The following PRRC2B variants were observed in gnomAD, a reference collection of about 807,000 sequenced individuals.
The protein encoded by PRRC2B is proline rich coiled-coil 2B, also known as protein PRRC2B.
Under a neutral mutation model 242.3 loss-of-function variants are expected in PRRC2B, and 68 were observed. The observed-to-expected ratio is 0.28, with a 90% confidence interval of 0.23 to 0.34. The LOEUF (loss-of-function observed/expected upper bound fraction) is 0.34, where lower values mean the gene tolerates loss of function less well. Ranked by LOEUF, PRRC2B falls within the 10% of genes least tolerant of loss-of-function variation. The pLI is 1.00. For synonymous variants in PRRC2B, 1,228 were observed against 1,173.6 expected, an observed-to-expected ratio of 1.05 and a Z score of -0.95; for missense variants, 2,835 against 2,954.8, an observed-to-expected ratio of 0.96 and a Z score of 0.94.
At chr9:131,447,301 C>A in intron 8 of PRRC2B, 95 bp downstream of exon 8, 1 of 1,480,318 alleles carries the variant, frequency 6.8e-7, no homozygotes, top group Admixed American at 1.9e-5. Flanking sequence ...GCTGTGTCTC[C>A]TGGAGACCAC....
intron 1 of PRRC2B, among the ~76,000 whole-genome samples, chr9:131,406,085 G>A (rs895403375): frequency 1.3e-5 from 2 of 152,048 alleles, no homozygotes; most frequent in Admixed American, 6.6e-5. Context: ...CCTGGATTCA[G>A]CCCTCCCCGG....
At chr9:131,458,440 A>G (rs1206531896) in intron 10 of PRRC2B, among the ~76,000 whole-genome samples, 1 of 151,932 alleles carries the variant, frequency 6.6e-6, no homozygotes, top group Non-Finnish European at 1.5e-5. Context: ...ATACACTAAC[A>G]CTAACGATAG....
At chr9:131,461,507 T>TG (rs1238043492) in intron 11 of PRRC2B, among the ~76,000 whole-genome samples, 5 of 152,144 alleles carry the variant, frequency 3.3e-5, no homozygotes, top group Admixed American at 2.0e-4. Context: ...TGAATACACT[T>TG]GGTAAAGCCT....
intron 12 of PRRC2B, 48 bp downstream of exon 12, chr9:131,465,126 T>A: frequency 6.5e-7 from 1 of 1,533,586 alleles, no homozygotes; most frequent in Middle Eastern, 1.8e-4. Context: ...TGGCCTGTTG[T>A]CCTCGTCTTG....
chr9:131,480,827 T>G (rs959480034), intron 19 of PRRC2B, among the ~76,000 whole-genome samples: 4 of 152,012 alleles, frequency 2.6e-5, no homozygotes, highest in African/African-American at 9.7e-5. Flanking sequence ...GTCTGTGAGC[T>G]TAAAAATTTT....
At chr9:131,443,716 C>T (rs2131383404) in intron 5 of PRRC2B, among the ~76,000 whole-genome samples, 1 of 152,302 alleles carries the variant, frequency 6.6e-6, no homozygotes, top group African/African-American at 2.4e-5. Flanking sequence ...CAGGTGTGAG[C>T]CACTGTGCCA....
In PRRC2B at chr9:131,436,638, T is replaced by G. The variant is rs756256652; in HGVS notation, c.312T>G (p.Ser104=). The G allele has an allele frequency of 5.5e-5, 89 of 1,613,790 alleles. No individual in the cohort carries two copies. Among genetic ancestry groups the G allele is most frequent in the Non-Finnish European group, 7.4e-5 (87 of 1,179,838 alleles). Residue 104 remains serine, a synonymous_variant, in exon 4 of 32, where the codon TCT becomes TCG. Transcript: ENST00000683519. The part of the protein sequence containing the change: ...QDPKSSSATA[S]QPPESLPQPG... ...TGTCTAGTTCCAGTGCGACGGCCTC[T>G]CAGCCGCCGGAGTCGCTGCCGCAGC...
intron 13 of PRRC2B, 127 bp downstream of exon 13, chr9:131,467,880 A>C: frequency 1.1e-6 from 1 of 920,434 alleles, no homozygotes; most frequent in South Asian, 1.7e-5. Flanking sequence ...ATGTGCCCCC[A>C]AGACCAGTGG....
At chr9:131,400,312 T>G (rs945491235) in intron 1 of PRRC2B, among the ~76,000 whole-genome samples, 3 of 151,608 alleles carry the variant, frequency 2.0e-5, no homozygotes, top group Admixed American at 6.6e-5. Context: ...TTTGTTTTTC[T>G]TTTCTTTTCT....
At position 131,499,246 on chromosome 9, in the gene PRRC2B, A is replaced by G. The variant is rs542636082; in HGVS notation, c.*3372A>G. ...CAGTGACAGCTTCTGGAAGCTGAGCACACACAGGTGCACAGCCATGCTGTG... is the reference window on the plus strand; with the variant it reads ...CAGTGACAGCTTCTGGAAGCTGAGCGCACACAGGTGCACAGCCATGCTGTG... On this transcript the variant is annotated 3_prime_UTR_variant, in exon 32 of 32. Coordinates refer to ENST00000683519, the MANE Select transcript of PRRC2B (RefSeq NM_013318.4). The G allele has an allele frequency of 8.5e-5, 13 of 152,308 alleles. No individual in the cohort carries two copies. Among genetic ancestry groups the G allele is most frequent in the African/African-American group, 3.1e-4 (13 of 41,552 alleles). The allele number at this position is 152,308 out of a possible 1,614,324, so 9.4% of individuals were successfully genotyped here.
intron 12 of PRRC2B, among the ~76,000 whole-genome samples, chr9:131,466,731 C>G (rs1943405447): frequency 1.3e-5 from 2 of 151,970 alleles, no homozygotes; most frequent in African/African-American, 4.8e-5. Flanking sequence ...GCGATTCTCT[C>G]ACCTCAACCT....
In PRRC2B at chr9:131,411,341, GTTTTTTGTTTTGT is replaced by G. The variant is rs1263389720; in HGVS notation, c.-52+17085_-52+17097del. Among the ~76,000 whole-genome samples, 156 of 98,008 alleles carry G rather than the reference GTTTTTTGTTTTGT, an allele frequency of 1.6e-3. 1 individual carries two copies. The highest frequency in any genetic ancestry group is 0.011 in the Middle Eastern group (2 of 180). The allele number at this position is 98,008 out of a possible 152,430, so 64.3% of individuals were successfully genotyped here. A position where few individuals can be genotyped will look rare whatever the true frequency, so the allele number is the denominator to read the frequency against. On this transcript the variant is annotated intron_variant, in intron 1 of 31. Coordinates refer to ENST00000683519, the MANE Select transcript of PRRC2B (RefSeq NM_013318.4). ...TTTGTTTGTTTTTTTGTTTTGTTTT[GTTTTTTGTTTTGT>G]TTTTTTTTTTGAGACGGAGTCTTGC...
intron 1 of PRRC2B, among the ~76,000 whole-genome samples, chr9:131,417,888 G>A (rs1192050379): frequency 2.0e-5 from 3 of 152,172 alleles, no homozygotes; most frequent in African/African-American, 4.8e-5. Flanking sequence ...CCCCATGATC[G>A]AGCATGACTC....
At chr9:131,379,161 G>C (rs1007555670) in intron 1 of PRRC2B, among the ~76,000 whole-genome samples, 1 of 152,178 alleles carries the variant, frequency 6.6e-6, no homozygotes, top group Non-Finnish European at 1.5e-5. Context: ...CCATGTGTCA[G>C]CACTTCTTTC....
intron 28 of PRRC2B, chr9:131,490,678 G>A: frequency 4.0e-6 from 2 of 495,534 alleles, no homozygotes; most frequent in Middle Eastern, 6.5e-4. Flanking sequence ...AGGCCCTGCA[G>A]CTACCCTGTT....
At chr9:131,486,523 A>T (rs1944029702) in intron 26 of PRRC2B, 1 of 985,324 alleles carries the variant, frequency 1.0e-6, no homozygotes, top group South Asian at 4.7e-5. Flanking sequence ...ACTCCCAGGC[A>T]TGGATGCATT....
chr9:131,462,699 G>A (rs1214080669), intron 11 of PRRC2B, among the ~76,000 whole-genome samples: 5 of 151,546 alleles, frequency 3.3e-5, no homozygotes, highest in East Asian at 3.9e-4. Context: ...TTAGCCAGGC[G>A]TGGTGCCGCA....
Position 131,474,772 on chromosome 9 carries a change from CACAGCCCATGGTGTTGAGCGGGAG to C in PRRC2B, c.2647_2670del (p.Ala883_Thr890del). The C allele has an allele frequency of 1.2e-6, 2 of 1,612,812 alleles. No individual in the cohort carries two copies. Among genetic ancestry groups the C allele is most frequent in the Non-Finnish European group, 1.7e-6 (2 of 1,179,706 alleles). ...TTAGCCACCAGCCAGAGACCGCTGACACAGCCCATGGTGTTGAGCGGGAGACACCCCGGGAGGGGACGGCCTTTA... is the reference window on the plus strand; with the variant it reads ...TTAGCCACCAGCCAGAGACCGCTGACACACCCCGGGAGGGGACGGCCTTTA... On this transcript the variant is annotated inframe_deletion, in exon 16 of 32. Coordinates refer to ENST00000683519, the MANE Select transcript of PRRC2B (RefSeq NM_013318.4).
intron 1 of PRRC2B, among the ~76,000 whole-genome samples, chr9:131,420,497 T>TTCGTTCGTTCGTTCGTTCGTTC (rs1837801461): frequency 6.1e-5 from 1 of 16,432 alleles, no homozygotes; most frequent in African/African-American, 1.4e-4. Flanking sequence ...TTCTTTCTTT[T>TTCGTTCGTTCGTTCGTTCGTTC]TTTTTTTTTT....
Sources: allele counts gnomAD v4.1 joint callset (sites outside exome capture counted in the v4.1 genomes callset), GRCh38; gene constraint gnomAD v4.1.1; transcripts MANE v1.5; gene names NCBI Gene and HGNC (gene_info 2026-07-23, HGNC 2026-07-21).